Variants in SAMD5 observed in about 807,000 individuals in gnomAD.
The protein encoded by SAMD5 is sterile alpha motif domain-containing protein 5.
SAMD5 carries 13 observed loss-of-function variants against 11.3 expected under a neutral mutation model. The observed-to-expected ratio is 1.15, with a 90% CI of 0.75 to 1.83. SAMD5 has a LOEUF of 1.83. SAMD5 is among the 40% of genes most tolerant of loss of function. The pLI, the probability that SAMD5 is intolerant of heterozygous loss-of-function variation, is 0.00. For missense variants in SAMD5, 255 were observed against 239.1 expected, an observed-to-expected ratio of 1.07 and a Z score of -0.44; for synonymous variants, 129 against 111.3, an observed-to-expected ratio of 1.16 and a Z score of -1.00.
chr6:147,546,300 C>T (rs1788684174), intron 1 of SAMD5, among the ~76,000 whole-genome samples: 1 of 152,078 alleles, frequency 6.6e-6, no homozygotes, highest in African/African-American at 2.4e-5. Context: ...GAGGCCAAGG[C>T]GGGTGGATCA....
chr6:147,564,534 A>G lies in SAMD5; in HGVS notation c.*78A>G. ...AAGGGCATATTTAGAACCTTCTTTC[A>G]AAAAGGGAAATGGATGATGACCCTG... On this transcript the variant is annotated 3_prime_UTR_variant, in exon 2 of 2. Transcript: ENST00000367474. 9.8e-7 allele frequency: 1 copy of G among 1,016,550 alleles called. No homozygotes were observed. Among genetic ancestry groups the G allele is most frequent in the East Asian group, 2.4e-5 (1 of 41,600 alleles). The allele number at this position is 1,016,550 out of a possible 1,614,324, so 63.0% of individuals were successfully genotyped here.
chr6:147,871,536 A>G, the SAMD5 span, among the ~76,000 whole-genome samples: 2 of 152,230 alleles, frequency 1.3e-5, no homozygotes, highest in African/African-American at 4.8e-5. Context: ...GAAGTAAAGG[A>G]AAGAGAGATA....
At chr6:147,527,441 G>T (rs1037240684) in intron 1 of SAMD5, among the ~76,000 whole-genome samples, 14 of 152,092 alleles carry the variant, frequency 9.2e-5, no homozygotes, top group African/African-American at 1.7e-4. Context: ...TTCCAAGGGG[G>T]CATGGAGCCA....
chr6:147,553,568 G>A lies in SAMD5; in HGVS notation c.460-10826G>A, dbSNP rs373121830. On this transcript the variant is annotated intron_variant, in intron 1 of 1. Coordinates refer to ENST00000367474, the MANE Select transcript of SAMD5 (RefSeq NM_001030060.3). ...CATAAGGTTACCTTGGACAATGGCT[G>A]AGAGGTCCTTTGGTCTGGGCTTTGT... Among the ~76,000 whole-genome samples, 39 of 152,336 alleles carry A rather than the reference G, an allele frequency of 2.6e-4. No homozygotes were observed. The South Asian group carries it at 7.1e-3, about 28-fold the overall frequency.
chr6:147,613,981 C>A (rs961545504), intron 1 of SAMD5, among the ~76,000 whole-genome samples: 1 of 151,872 alleles, frequency 6.6e-6, no homozygotes, highest in Non-Finnish European at 1.5e-5. Flanking sequence ...CAGGGAGTAC[C>A]AACACACCAC....
chr6:147,513,192 T>A (rs1193219872), intron 1 of SAMD5, among the ~76,000 whole-genome samples: 1 of 152,118 alleles, frequency 6.6e-6, no homozygotes, highest in Non-Finnish European at 1.5e-5. Flanking sequence ...CTAGAAGTCA[T>A]GTTAAAGAAT....
At chr6:147,910,269 C>T in the SAMD5 span, among the ~76,000 whole-genome samples, 2 of 152,080 alleles carry the variant, frequency 1.3e-5, no homozygotes, top group Non-Finnish European at 2.9e-5. Flanking sequence ...ACCCCCAGGC[C>T]ACCCAGGTGC....
chr6:147,508,888 G>C lies in SAMD5; in HGVS notation c.-41G>C. On this transcript the variant is annotated 5_prime_UTR_variant, in exon 1 of 2. Transcript: ENST00000367474. ...AACTGGTGCCGCCCGTGCCATTTGGGCGCTGGGAAGGTGCTCGGCGGCGGG... is the reference window on the plus strand; with the variant it reads ...AACTGGTGCCGCCCGTGCCATTTGGCCGCTGGGAAGGTGCTCGGCGGCGGG... 6.3e-7 allele frequency: 1 copy of C among 1,581,438 alleles called. No homozygotes were observed. Among genetic ancestry groups the C allele is most frequent in the Non-Finnish European group, 8.6e-7 (1 of 1,165,524 alleles).
At chr6:147,750,830 G>A in the SAMD5 span, among the ~76,000 whole-genome samples, 1 of 152,228 alleles carries the variant, frequency 6.6e-6, no homozygotes, top group Non-Finnish European at 1.5e-5. Context: ...GCTGAGGCAA[G>A]AGAATAGCTT....
At chr6:147,677,827 G>A (rs1790886632) in intron 1 of SAMD5, among the ~76,000 whole-genome samples, 1 of 152,134 alleles carries the variant, frequency 6.6e-6, no homozygotes, top group Non-Finnish European at 1.5e-5. Context: ...CAACCAAAAA[G>A]TGAGCAAGCC....
intron 1 of SAMD5, among the ~76,000 whole-genome samples, chr6:147,623,478 G>A (rs920594249): frequency 6.6e-6 from 1 of 152,200 alleles, no homozygotes; most frequent in South Asian, 2.1e-4. Flanking sequence ...CATTGTAAGA[G>A]GAGTTTGCTC....
chr6:147,659,379 G>T (rs1159911873), intron 1 of SAMD5, among the ~76,000 whole-genome samples: 2 of 151,812 alleles, frequency 1.3e-5, no homozygotes, highest in Admixed American at 1.3e-4. Context: ...TTATCAATGT[G>T]ACCTGCAAGA....
chr6:147,869,826 T>C, the SAMD5 span, among the ~76,000 whole-genome samples: 1 of 152,024 alleles, frequency 6.6e-6, no homozygotes, highest in Non-Finnish European at 1.5e-5. Flanking sequence ...GACTCCTGAG[T>C]AGTTGGGACC....
At position 147,715,863 on chromosome 6, in the gene SAMD5, A is replaced by T. The variant is rs546645682; in HGVS notation, c.163-21454A>T. 5.3e-5 allele frequency among the ~76,000 whole-genome samples: 8 copies of T among 152,264 alleles called. No individual in the cohort carries two copies. The South Asian group carries it at 1.5e-3, about 28-fold the overall frequency. On this transcript the variant is annotated intron_variant, in intron 1 of 1. Coordinates refer to the SAMD5 transcript ENST00000566741. ...GGGTAGCTCCTCTCCACAGCTGGTC[A>T]TCCATCTCTCCTCCTCTCCTGGAGT...
the SAMD5 span, among the ~76,000 whole-genome samples, chr6:147,846,102 C>T: frequency 6.6e-6 from 1 of 150,718 alleles, no homozygotes; most frequent in East Asian, 1.9e-4. Context: ...AGGAATTATG[C>T]TGAGTGAAAA....
chr6:147,870,048 CTTT>C, the SAMD5 span, among the ~76,000 whole-genome samples: 1 of 152,046 alleles, frequency 6.6e-6, no homozygotes. Flanking sequence ...TTTTTACATT[CTTT>C]TTTAAAATAC....
At chr6:147,596,428 G>C (rs888304284) in intron 1 of SAMD5, among the ~76,000 whole-genome samples, 3 of 152,134 alleles carry the variant, frequency 2.0e-5, no homozygotes, top group African/African-American at 7.2e-5. Context: ...ATTAGTCTGT[G>C]GTTATGGCCA....
downstream of SAMD5, among the ~76,000 whole-genome samples, chr6:147,739,406 G>C (rs897178300): frequency 5.3e-5 from 8 of 152,086 alleles, no homozygotes; most frequent in Non-Finnish European, 1.0e-4. Context: ...GACCAGCCGG[G>C]CAACATAGTG....
rs1175614093 is a variant in SAMD5, at chr6:147,643,065, GA to G, written c.163-94250del. Reference sequence around the variant, plus strand: ...TTTATTCATTATTAATCCTGGTGAGGAATACTTCAGCTGCTTTACATCTATT... The same window carrying G: ...TTTATTCATTATTAATCCTGGTGAGGATACTTCAGCTGCTTTACATCTATT... On this transcript the variant is annotated intron_variant, in intron 1 of 1. Transcript: ENST00000566741. Among the ~76,000 whole-genome samples the G allele has an allele frequency of 3.9e-5, 6 of 152,260 alleles. No individual in the cohort carries two copies. The South Asian group carries it at 6.2e-4, about 16-fold the overall frequency.
Sources: allele counts gnomAD v4.1 joint callset (sites outside exome capture counted in the v4.1 genomes callset), GRCh38; gene constraint gnomAD v4.1.1; transcripts MANE v1.5; gene names NCBI Gene and HGNC (gene_info 2026-07-23, HGNC 2026-07-21).